The following SLIT2 variants were observed in gnomAD, a reference collection of about 807,000 sequenced individuals.
SLIT2 encodes the protein slit guidance ligand 2, also known as slit homolog 2 protein.
A neutral mutation model predicts 185.7 loss-of-function variants in SLIT2; 41 were observed. The ratio of observed to expected loss-of-function variants is 0.22; its 90% CI spans 0.17 to 0.29. SLIT2 has a LOEUF of 0.29. SLIT2 is among the 10% of genes least tolerant of loss of function. The pLI is 1.00. For synonymous variants in SLIT2, 693 were observed against 680.2 expected (o/e 1.02, Z -0.29); for missense variants, 1,571 against 1,909.0 (o/e 0.82, Z 3.30).
chr4:20,524,955 C>A (rs562925449), intron 14 of SLIT2, among the ~76,000 whole-genome samples, 194 bp from the exon 15 acceptor site: 1 of 152,202 alleles, frequency 6.6e-6, no homozygotes, highest in South Asian at 2.1e-4. Context: ...ATATAAGAAC[C>A]AAGCTGGTTA....
At chr4:20,416,743 A>C (rs1727721796) in intron 4 of SLIT2, among the ~76,000 whole-genome samples, 1 of 152,244 alleles carries the variant, frequency 6.6e-6, no homozygotes, top group Admixed American at 6.5e-5. Flanking sequence ...AAATTTAAGA[A>C]TGAGCTAAAT....
intron 4 of SLIT2, among the ~76,000 whole-genome samples, chr4:20,368,235 G>GAA (rs942235918): frequency 9.5e-6 from 1 of 105,474 alleles, no homozygotes. Flanking sequence ...AAAAAAAAAA[G>GAA]AAAAAAAAGA....
intron 9 of SLIT2, among the ~76,000 whole-genome samples, chr4:20,508,494 T>C (rs563658404): frequency 6.6e-6 from 1 of 152,084 alleles, no homozygotes; most frequent in Non-Finnish European, 1.5e-5. Context: ...TCTTACAAAA[T>C]GTTAAATGAT....
At chr4:20,324,870 A>C (rs908972235) in intron 4 of SLIT2, among the ~76,000 whole-genome samples, 1 of 152,170 alleles carries the variant, frequency 6.6e-6, no homozygotes, top group Admixed American at 6.6e-5. Context: ...TGTGCATCAG[A>C]TTGGTGCAAA....
Position 20,570,147 on chromosome 4 carries a change from A to AT in SLIT2, c.3088+1150dup, listed in dbSNP as rs557767511. On this transcript the variant is annotated intron_variant, in intron 29 of 36. Coordinates refer to ENST00000504154, the MANE Select transcript of SLIT2 (RefSeq NM_004787.4). The stretch of plus-strand genomic sequence containing the variant: ...TTCTAGGGTCTTATTTTTAATTTTT[A>AT]TTTTTTTGGCACCAATAAAGCACCC... 2.0e-4 allele frequency among the ~76,000 whole-genome samples: 31 copies of AT among 151,888 alleles called. 1 individual carries two copies. Among genetic ancestry groups the AT allele is most frequent in the South Asian group, 1.5e-3 (7 of 4,818 alleles).
At position 20,528,616 on chromosome 4, in the gene SLIT2, C is replaced by T. The variant is rs936344895; in HGVS notation, c.1463-333C>T. Among the ~76,000 whole-genome samples the T allele has an allele frequency of 2.0e-5, 3 of 151,566 alleles. No individual in the cohort carries two copies. The highest frequency in any genetic ancestry group is 2.1e-4 in the South Asian group (1 of 4,810). On this transcript the variant is annotated intron_variant, in intron 15 of 36. Coordinates refer to ENST00000504154, the MANE Select transcript of SLIT2 (RefSeq NM_004787.4). This position sits in a 1 kb window ranked among gnomAD's most constrained non-coding sequence, Gnocchi z 4.2. ...TGGATATATTTTCAATTCTTGACTC[C>T]GAGAAAAAAAATAAACTTTTTAATA...
At chr4:20,503,028 T>A (rs1426962683) in intron 9 of SLIT2, among the ~76,000 whole-genome samples, 3 of 152,128 alleles carry the variant, frequency 2.0e-5, no homozygotes, top group African/African-American at 7.2e-5. Context: ...CCCTCAAATG[T>A]AAAATAAGAC....
intron 5 of SLIT2, among the ~76,000 whole-genome samples, chr4:20,472,429 T>C (rs1362405280): frequency 1.3e-5 from 1 of 79,242 alleles, no homozygotes; most frequent in Admixed American, 1.7e-4. Context: ...TATATATAGA[T>C]ATCTATAGAT....
At position 20,280,873 on chromosome 4, in the gene SLIT2, C is replaced by T. The variant is rs1309058360; in HGVS notation, c.395+11992C>T. On this transcript the variant is annotated intron_variant, in intron 4 of 36. Coordinates refer to ENST00000504154, the MANE Select transcript of SLIT2 (RefSeq NM_004787.4). ...TTGAGACGGAGTTTTTCTCTTGTTGCCCAGGTTGGAGTGCAATGGCGTGAT... is the reference window on the plus strand; with the variant it reads ...TTGAGACGGAGTTTTTCTCTTGTTGTCCAGGTTGGAGTGCAATGGCGTGAT... Among the ~76,000 whole-genome samples the T allele has an allele frequency of 4.6e-4, 63 of 137,836 alleles. No individual in the cohort carries two copies. In the Admixed American group the frequency reaches 4.7e-3, roughly 10 times the overall value. 90.4% of individuals were successfully genotyped at this position (137,836 alleles called of 152,430 possible).
chr4:20,263,793 G>A (rs976426135), intron 3 of SLIT2, among the ~76,000 whole-genome samples: 4 of 151,800 alleles, frequency 2.6e-5, no homozygotes, highest in Non-Finnish European at 5.9e-5. Flanking sequence ...AAAATGCTGG[G>A]CACACAGCAC....
Position 20,358,069 on chromosome 4 carries a change from G to T in SLIT2, c.395+89188G>T, listed in dbSNP as rs138317395. The stretch of plus-strand genomic sequence containing the variant: ...CCTATAAGACCTGTGGTTGGATGAC[G>T]GTATGTATTAATGTTGTTTTTAACA... On this transcript the variant is annotated intron_variant, in intron 4 of 36. Transcript: ENST00000504154. 1.5e-3 allele frequency among the ~76,000 whole-genome samples: 235 copies of T among 152,026 alleles called. 1 individual carries two copies. Among genetic ancestry groups the T allele is most frequent in the South Asian group, 0.015 (70 of 4,816 alleles).
chr4:20,612,988 A>C (rs1379673356), intron 34 of SLIT2, among the ~76,000 whole-genome samples: 1 of 152,032 alleles, frequency 6.6e-6, no homozygotes, highest in Non-Finnish European at 1.5e-5. Context: ...GCTATTATTA[A>C]AAAGTCAAAA....
At chr4:20,567,636 C>A (rs2290751) in intron 28 of SLIT2, 21 bp downstream of exon 28, 7 of 1,539,508 alleles carry the variant, frequency 4.5e-6, no homozygotes, top group Non-Finnish European at 6.3e-6. Flanking sequence ...AGTCTATGAC[C>A]ATCTGTGTCT....
At chr4:20,502,023 T>G (rs1431841502) in intron 9 of SLIT2, among the ~76,000 whole-genome samples, 2 of 152,300 alleles carry the variant, frequency 1.3e-5, no homozygotes, top group Admixed American at 1.3e-4. Flanking sequence ...AAGAAGTTAT[T>G]TAGGTAACAT....
chr4:20,329,297 CTTAA>C (rs1240140916), intron 4 of SLIT2, among the ~76,000 whole-genome samples: 1 of 151,686 alleles, frequency 6.6e-6, no homozygotes, highest in African/African-American at 2.4e-5. Context: ...AACATTATAA[CTTAA>C]TTATTATAAT....
chr4:20,564,391 A>G (rs1724929126), intron 26 of SLIT2, among the ~76,000 whole-genome samples: 1 of 150,936 alleles, frequency 6.6e-6, no homozygotes, highest in Non-Finnish European at 1.5e-5. Flanking sequence ...CATTCTGAAA[A>G]GGATTTTTGG....
intron 30 of SLIT2, among the ~76,000 whole-genome samples, chr4:20,594,004 A>C (rs983729140): frequency 6.7e-6 from 1 of 149,338 alleles, no homozygotes; most frequent in Non-Finnish European, 1.5e-5. Context: ...ATATACACAC[A>C]CATACATATG....
At chr4:20,472,068 A>G (rs1286914565) in intron 5 of SLIT2, among the ~76,000 whole-genome samples, 1 of 150,908 alleles carries the variant, frequency 6.6e-6, no homozygotes, top group Non-Finnish European at 1.5e-5. Flanking sequence ...TATAATGGTC[A>G]CTGGTGGTAC....
chr4:20,598,051 T>C (rs75396017), intron 32 of SLIT2, among the ~76,000 whole-genome samples: 3,725 of 152,330 alleles, frequency 0.024, 52 homozygotes, highest in Non-Finnish European at 0.038. Flanking sequence ...GGATTTCTTA[T>C]TGTTCTTTTT....
Sources: allele counts gnomAD v4.1 joint callset (sites outside exome capture counted in the v4.1 genomes callset), GRCh38; gene constraint gnomAD v4.1.1; non-coding constraint Gnocchi (gnomAD v3.1); transcripts MANE v1.5; gene names NCBI Gene and HGNC (gene_info 2026-07-23, HGNC 2026-07-21).